The following DMRT1 variants were observed in gnomAD, a reference collection of about 807,000 sequenced individuals.
The protein encoded by DMRT1 is doublesex and mab-3 related transcription factor 1.
In DMRT1, 7 loss-of-function variants were observed where a neutral mutation model predicts 32.3. The ratio of observed to expected loss-of-function variants is 0.22; its 90% confidence interval spans 0.12 to 0.41. The LOEUF (loss-of-function observed/expected upper bound fraction) is 0.41, where lower values mean the gene tolerates loss of function less well. Among genes scored for constraint, DMRT1 ranks in the 10% least tolerant of loss-of-function variants. DMRT1 has a pLI of 1.00. For synonymous variants in DMRT1, 278 were observed against 206.1 expected (o/e 1.35, Z -2.99); for missense variants, 625 against 500.5 (o/e 1.25, Z -2.37).
intron 2 of DMRT1, among the ~76,000 whole-genome samples, chr9:882,961 G>A (rs1025227817): frequency 1.9e-4 from 28 of 151,320 alleles, no homozygotes; most frequent in African/African-American, 5.6e-4. Context: ...TAGTAGAGAC[G>A]GGGTTTCACC....
intron 4 of DMRT1, among the ~76,000 whole-genome samples, chr9:942,596 T>C (rs994257213): frequency 3.3e-5 from 5 of 152,204 alleles, no homozygotes; most frequent in Non-Finnish European, 7.3e-5. Context: ...AAACTTGATA[T>C]AAAATTGCAA....
intron 3 of DMRT1, among the ~76,000 whole-genome samples, chr9:907,577 A>G (rs1817822333): frequency 6.6e-6 from 1 of 152,280 alleles, no homozygotes; most frequent in Non-Finnish European, 1.5e-5. Context: ...CTCCTTTTAG[A>G]GGTACTTGCA....
chr9:882,092 A>T (rs1408903443), intron 2 of DMRT1, among the ~76,000 whole-genome samples: 1 of 152,210 alleles, frequency 6.6e-6, no homozygotes, highest in African/African-American at 2.4e-5. Flanking sequence ...ATTCTGAGGC[A>T]CAGGCAGAGG....
chr9:948,823 A>G (rs1251110778), intron 4 of DMRT1, among the ~76,000 whole-genome samples: 2 of 151,826 alleles, frequency 1.3e-5, no homozygotes, highest in East Asian at 1.9e-4. Flanking sequence ...CGGGAGGCCA[A>G]AGTGGATGGA....
intron 3 of DMRT1, among the ~76,000 whole-genome samples, chr9:899,893 C>T (rs1372577005): frequency 6.6e-6 from 1 of 152,220 alleles, no homozygotes; most frequent in Non-Finnish European, 1.5e-5. Flanking sequence ...TGTAGACTTA[C>T]ATTCCAGCCA....
chr9:898,067 A>G (rs781069620), intron 3 of DMRT1, among the ~76,000 whole-genome samples: 2 of 152,218 alleles, frequency 1.3e-5, no homozygotes, highest in Non-Finnish European at 2.9e-5. Context: ...AAGGGAGAGA[A>G]ACTGGATGGC....
At chr9:899,604 C>G (rs565916788) in intron 3 of DMRT1, among the ~76,000 whole-genome samples, 2 of 152,342 alleles carry the variant, frequency 1.3e-5, no homozygotes, top group African/African-American at 4.8e-5. Flanking sequence ...ATTTGTGACA[C>G]TGGAACAAAC....
chr9:956,610 A>AT (rs1280490507), intron 4 of DMRT1, among the ~76,000 whole-genome samples: 4 of 152,028 alleles, frequency 2.6e-5, no homozygotes, highest in Non-Finnish European at 4.4e-5. Flanking sequence ...TTAAAAGGCC[A>AT]TACAGACAAT....
At chr9:844,755 C>T (rs1383065422) in intron 1 of DMRT1, among the ~76,000 whole-genome samples, 5 of 138,042 alleles carry the variant, frequency 3.6e-5, no homozygotes, top group Non-Finnish European at 7.6e-5. Context: ...GAGTCTCGCT[C>T]TGTCCCCCAG....
Position 967,225 on chromosome 9 carries a change from A to C in DMRT1, c.968-760A>C, listed in dbSNP as rs911017555. On this transcript the variant is annotated intron_variant, in intron 4 of 4. Transcript: ENST00000382276. ...AAGAAGGTCAGAGACCCTTTTGCTT[A>C]AGTTTTTTATCTACTGTGGCTGCTA... Among the ~76,000 whole-genome samples, 7 of 152,312 alleles carry C rather than the reference A, an allele frequency of 4.6e-5. No individual in the cohort carries two copies. The East Asian group carries it at 9.6e-4, about 21-fold the overall frequency.
At chr9:883,706 C>T (rs1816820170) in intron 2 of DMRT1, among the ~76,000 whole-genome samples, 1 of 150,992 alleles carries the variant, frequency 6.6e-6, no homozygotes, top group Non-Finnish European at 1.5e-5. Context: ...ACAGGAGGAT[C>T]ACTTGAGCCT....
chr9:862,472 AGAGG>A (rs1238945095), intron 2 of DMRT1, among the ~76,000 whole-genome samples: 1 of 131,866 alleles, frequency 7.6e-6, no homozygotes, highest in Non-Finnish European at 1.6e-5. Context: ...CCTCGGCATC[AGAGG>A]GAGACGGTGC....
rs1221886586 is a variant in DMRT1 at position 968,095 on chromosome 9, C to T, written c.1078C>T (p.Pro360Ser). The change falls in exon 5 of 5, where the codon CCC (proline) becomes TCC (serine). Residue 360 changes from proline (P) to serine (S), a missense_variant. Coordinates refer to ENST00000382276, the MANE Select transcript of DMRT1 (RefSeq NM_021951.3). ...AVLECEPASE[P>S]SSFTVTPVIE... Reference sequence around the variant, plus strand: ...GCTTGAATGTGAGCCTGCGTCGGAGCCCAGCAGCTTCACAGTCACTCCCGT... The same window carrying T: ...GCTTGAATGTGAGCCTGCGTCGGAGTCCAGCAGCTTCACAGTCACTCCCGT... 4.3e-6 allele frequency: 7 copies of T among 1,614,140 alleles called. No homozygotes were observed. Among genetic ancestry groups the T allele is most frequent in the Non-Finnish European group, 5.9e-6 (7 of 1,180,040 alleles).
intron 3 of DMRT1, chr9:894,530 G>A (rs550529613): frequency 5.2e-5 from 19 of 366,632 alleles, no homozygotes; most frequent in Non-Finnish European, 7.9e-5. Flanking sequence ...TAACCAGTTG[G>A]GCACAGGCAG....
At chr9:883,351 C>A (rs182333770) in intron 2 of DMRT1, among the ~76,000 whole-genome samples, 2 of 151,982 alleles carry the variant, frequency 1.3e-5, no homozygotes, top group African/African-American at 2.4e-5. Flanking sequence ...GCTACAGGAG[C>A]GACACTAGTG....
chr9:917,049 T>C (rs2129777812), intron 4 of DMRT1, 142 bp downstream of exon 4: 2 of 922,002 alleles, frequency 2.2e-6, no homozygotes, highest in East Asian at 5.2e-5. Flanking sequence ...TAAGTATCCT[T>C]TAAAGAATTT....
chr9:844,824 G>A lies in DMRT1; in HGVS notation c.355-2136G>A, dbSNP rs149668051. On this transcript the variant is annotated intron_variant, in intron 1 of 4. Coordinates refer to ENST00000382276, the MANE Select transcript of DMRT1 (RefSeq NM_021951.3). The stretch of plus-strand genomic sequence containing the variant: ...CAACCTCCGCCTCCTGGGTTCAAGC[G>A]ATTCTTCTGCCTCGGCCTCCCGAGT... Among the ~76,000 whole-genome samples, 542 of 149,494 alleles carry A rather than the reference G, an allele frequency of 3.6e-3. 1 individual carries two copies. Among genetic ancestry groups the A allele is most frequent in the African/African-American group, 0.013 (529 of 40,574 alleles).
intron 4 of DMRT1, among the ~76,000 whole-genome samples, chr9:962,929 T>C (rs564458661): frequency 7.4e-4 from 112 of 152,264 alleles, no homozygotes; most frequent in African/African-American, 2.6e-3. Flanking sequence ...ACCTCTGACA[T>C]GCTGTAGAAG....
chr9:869,854 T>C (rs1589475776), intron 2 of DMRT1, among the ~76,000 whole-genome samples: 1 of 152,204 alleles, frequency 6.6e-6, no homozygotes, highest in African/African-American at 2.4e-5. Context: ...CAAGTCTGCA[T>C]TGTGTCTCTA....
Sources: gnomAD v4.1 joint callset for allele counts (sites outside exome capture counted in the v4.1 genomes callset) on GRCh38, gnomAD v4.1.1 for gene constraint, MANE v1.5 for transcripts, NCBI Gene and HGNC (gene_info 2026-07-23, HGNC 2026-07-21) for gene names.